The following TMEM132D variants were observed in gnomAD, a reference collection of about 807,000 sequenced individuals.
TMEM132D encodes the protein transmembrane protein 132D, also known as mature OL transmembrane protein.
Under a neutral mutation model 62.3 loss-of-function variants are expected in TMEM132D, and 21 were observed. The observed-to-expected ratio is 0.34, with a 90% CI of 0.24 to 0.49. The LOEUF is 0.49. Among genes scored for constraint, TMEM132D ranks in the 20% least tolerant of loss-of-function variants. The pLI is 0.99. For synonymous variants in TMEM132D, 621 were observed against 575.6 expected, an observed-to-expected ratio of 1.08 and a Z score of -1.13; for missense variants, 1,346 against 1,402.8, an observed-to-expected ratio of 0.96 and a Z score of 0.65.
At chr12:129,095,123 G>A (rs1328086833) in intron 5 of TMEM132D, among the ~76,000 whole-genome samples, 1 of 151,804 alleles carries the variant, frequency 6.6e-6, no homozygotes, top group African/African-American at 2.4e-5. Context: ...CATGGCGCAT[G>A]TATACATATG....
At chr12:129,528,377 A>T (rs1226935056) in intron 3 of TMEM132D, among the ~76,000 whole-genome samples, 1 of 151,680 alleles carries the variant, frequency 6.6e-6, no homozygotes, top group African/African-American at 2.4e-5. Context: ...CATATTTTAA[A>T]AATCTCTATT....
chr12:129,156,286 C>G (rs1040870413), intron 5 of TMEM132D, among the ~76,000 whole-genome samples: 4 of 151,996 alleles, frequency 2.6e-5, no homozygotes, highest in African/African-American at 4.8e-5. Flanking sequence ...AAGTAACTAA[C>G]TCAGTCCTGT....
rs1446907014 is a variant in TMEM132D at position 129,074,974 on chromosome 12, A to G, written c.2201T>C (p.Met734Thr). ...DIYDGKDFSL[M>T]ATSLDEKVVS... is the part of the protein sequence containing the mutation. Reference sequence around the variant, plus strand: ...TACCTTCTCATCCAAAGATGTGGCCATCAAGGAGAAGTCTTTCCCATCGTA... The same window carrying G: ...TACCTTCTCATCCAAAGATGTGGCCGTCAAGGAGAAGTCTTTCCCATCGTA... Residue 734 changes from methionine to threonine, a missense_variant, in exon 9 of 9, where the codon ATG becomes ACG. Transcript: ENST00000422113. 5.0e-6 allele frequency: 8 copies of G among 1,613,908 alleles called. No individual in the cohort carries two copies. In the Admixed American group the frequency reaches 1.3e-4, roughly 27 times the overall value.
chr12:129,241,121 G>A (rs1286594861), intron 4 of TMEM132D, among the ~76,000 whole-genome samples: 1 of 141,408 alleles, frequency 7.1e-6, no homozygotes, highest in Non-Finnish European at 1.5e-5. Context: ...GCCAGGAAAG[G>A]CCCTTACCAT....
At chr12:129,322,092 T>C (rs796796762) in intron 4 of TMEM132D, among the ~76,000 whole-genome samples, 78 of 152,068 alleles carry the variant, frequency 5.1e-4, no homozygotes, top group African/African-American at 1.8e-3. Flanking sequence ...AATTTTCTCA[T>C]CTGCAAAATA....
At chr12:129,547,257 G>A (rs1876762787) in intron 2 of TMEM132D, among the ~76,000 whole-genome samples, 1 of 152,020 alleles carries the variant, frequency 6.6e-6, no homozygotes, top group Non-Finnish European at 1.5e-5. Context: ...ATTTTTTCTA[G>A]AGACAGGGTC....
chr12:129,185,773 G>GTCTGTCTATCTATCTATCTA (rs796145548), intron 5 of TMEM132D, among the ~76,000 whole-genome samples: 14 of 135,924 alleles, frequency 1.0e-4, no homozygotes, highest in East Asian at 7.3e-4. Flanking sequence ...CTGTCTGTCT[G>GTCTGTCTATCTATCTATCTA]TCTATCTATC....
intron 4 of TMEM132D, among the ~76,000 whole-genome samples, chr12:129,334,796 G>T (rs1475430659): frequency 1.3e-5 from 2 of 152,120 alleles, no homozygotes; most frequent in African/African-American, 4.8e-5. Flanking sequence ...CACCATGTTG[G>T]CCAGGCTGGT....
At chr12:129,663,765 A>G (rs1593110850) in intron 2 of TMEM132D, among the ~76,000 whole-genome samples, 1 of 152,344 alleles carries the variant, frequency 6.6e-6, no homozygotes, top group East Asian at 1.9e-4. Flanking sequence ...AGAGGAGAAG[A>G]AAGACTTCTG....
chr12:129,306,256 G>C (rs777733668), intron 4 of TMEM132D, among the ~76,000 whole-genome samples: 33 of 152,160 alleles, frequency 2.2e-4, no homozygotes, highest in Non-Finnish European at 3.5e-4. Context: ...GCAAAATTAA[G>C]AAAGTTTGAT....
At chr12:129,340,517 C>A (rs1400427948) in intron 3 of TMEM132D, among the ~76,000 whole-genome samples, 1 of 143,802 alleles carries the variant, frequency 7.0e-6, no homozygotes, top group African/African-American at 2.6e-5. Context: ...TCCATGTGTT[C>A]TCATTGTTCA....
At chr12:129,639,118 C>G (rs949044409) in intron 2 of TMEM132D, among the ~76,000 whole-genome samples, 1 of 152,072 alleles carries the variant, frequency 6.6e-6, no homozygotes, top group African/African-American at 2.4e-5. Context: ...CATGGTTGCT[C>G]ACACCTGTAA....
chr12:129,115,113 G>A (rs764557828), intron 5 of TMEM132D, among the ~76,000 whole-genome samples: 1 of 152,172 alleles, frequency 6.6e-6, no homozygotes, highest in Non-Finnish European at 1.5e-5. Context: ...TTCTGCAAAA[G>A]TGCCCAGAGC....
chr12:129,623,116 A>T (rs111680439), intron 2 of TMEM132D, among the ~76,000 whole-genome samples: 73 of 152,178 alleles, frequency 4.8e-4, no homozygotes, highest in African/African-American at 1.7e-3. Context: ...GATTCATGGG[A>T]TTTACTTGTC....
chr12:129,204,363 C>T (rs909964415), intron 5 of TMEM132D, among the ~76,000 whole-genome samples: 1 of 152,070 alleles, frequency 6.6e-6, no homozygotes, highest in Non-Finnish European at 1.5e-5. Flanking sequence ...AAACACACTA[C>T]AAGAATTAAA....
chr12:129,763,623 T>C (rs1214533172), intron 1 of TMEM132D, among the ~76,000 whole-genome samples: 1 of 152,084 alleles, frequency 6.6e-6, no homozygotes, highest in South Asian at 2.1e-4. Context: ...CTGTTAGTAT[T>C]TTTTTGCTAC....
At chr12:129,572,687 G>T (rs1877550704) in intron 2 of TMEM132D, among the ~76,000 whole-genome samples, 1 of 152,032 alleles carries the variant, frequency 6.6e-6, no homozygotes, top group Non-Finnish European at 1.5e-5. Context: ...GACCTCAGAT[G>T]ATCTGCCCGC....
chr12:129,102,542 T>C (rs1875350393), intron 5 of TMEM132D, among the ~76,000 whole-genome samples: 1 of 151,540 alleles, frequency 6.6e-6, no homozygotes, highest in Non-Finnish European at 1.5e-5. Flanking sequence ...CACACACACA[T>C]GCACACACAT....
intron 4 of TMEM132D, among the ~76,000 whole-genome samples, chr12:129,314,163 T>C (rs962273720): frequency 3.9e-5 from 6 of 152,120 alleles, no homozygotes; most frequent in Admixed American, 3.3e-4. Flanking sequence ...TGTCTGCTTT[T>C]GGATTCTTAG....
Sources: allele counts gnomAD v4.1 joint callset (sites outside exome capture counted in the v4.1 genomes callset), GRCh38; gene constraint gnomAD v4.1.1; transcripts MANE v1.5; gene names NCBI Gene and HGNC (gene_info 2026-07-23, HGNC 2026-07-21).